RYR1: variants seen among roughly 807,000 people sequenced by gnomAD.
RYR1 encodes the protein central core disease of muscle.
Under a neutral mutation model 583.5 loss-of-function variants are expected in RYR1, and 342 were observed. That is an observed-to-expected ratio of 0.59 (90% CI 0.54 to 0.64). The LOEUF is 0.64. Among genes scored for constraint, RYR1 ranks in the 30% least tolerant of loss-of-function variants. The probability of loss-of-function intolerance (pLI) is 0.00; values close to 1 mark genes in which losing one functional copy is unlikely to be tolerated. For missense variants in RYR1, 6,032 were observed against 6,917.2 expected, an observed-to-expected ratio of 0.87 and a Z score of 4.54; for synonymous variants, 2,791 against 2,822.5, an observed-to-expected ratio of 0.99 and a Z score of 0.35.
At position 38,448,489 on chromosome 19, in the gene RYR1, CCTT is replaced by C. The variant is rs2145360371; in HGVS notation, c.938_940del (p.Phe313del). ...AGCAAGGCTCACACCAAGGCTACCT[CCTT>C]CTGCTTCCGCATCTCCAAGGTCAGT... On this transcript the variant is annotated inframe_deletion, in exon 10 of 106. Coordinates refer to ENST00000359596, the MANE Select transcript of RYR1 (RefSeq NM_000540.3). The C allele has an allele frequency of 1.2e-6, 2 of 1,614,092 alleles. No homozygotes were observed. Among genetic ancestry groups the C allele is most frequent in the Non-Finnish European group, 1.7e-6 (2 of 1,180,018 alleles).
At position 38,492,619 on chromosome 19, in the gene RYR1, C is replaced by T; in HGVS notation, c.6257C>T (p.Ala2086Val). The change falls in exon 38 of 106, where the codon GCA becomes GTA. Residue 2086 changes from alanine to valine, a missense_variant. This residue lies in a region of RYR1 where 2,627 missense variants were observed against 2,961.3 expected (regional missense o/e 0.89). Coordinates refer to ENST00000359596, the MANE Select transcript of RYR1 (RefSeq NM_000540.3). ...KEEKPEEERS[A>V]EESKPRSLQE... ...GAGAAACCTGAGGAGGAGCGGTCAG[C>T]AGAGGAGAGCAAACCCCGTGAGGAC... 1 of 1,605,266 alleles carries T rather than the reference C, an allele frequency of 6.2e-7. No homozygotes were observed. The highest frequency in any genetic ancestry group is 8.5e-7 in the Non-Finnish European group (1 of 1,175,250).
intron 16 of RYR1, among the ~76,000 whole-genome samples, chr19:38,456,417 G>C (rs895468846): frequency 2.7e-5 from 4 of 150,082 alleles, no homozygotes; most frequent in Admixed American, 6.7e-5. Flanking sequence ...GAGTAGCTGG[G>C]ATTACAGGTG....
intron 50 of RYR1, 145 bp downstream of exon 50, chr19:38,504,505 A>T: frequency 8.3e-7 from 1 of 1,198,680 alleles, no homozygotes. Flanking sequence ...CTATGGGTTG[A>T]GGCTTCGATT....
rs376389988 is a variant in RYR1 at position 38,525,407 on chromosome 19, G to T, written c.10531G>T (p.Val3511Leu). The change falls in exon 71 of 106, where the codon GTG becomes TTG. Residue 3511 changes from valine to leucine, a missense_variant. Coordinates refer to ENST00000359596, the MANE Select transcript of RYR1 (RefSeq NM_000540.3). ...GTACTCTGTGCAGACGTCACTGATC[G>T]TGGCCACACTGAAGAAGATGCTGCC... ...DRYSVQTSLI[V>L]ATLKKMLPIG... 58 of 1,613,864 alleles carry T rather than the reference G, an allele frequency of 3.6e-5. No homozygotes were observed. Among genetic ancestry groups the T allele is most frequent in the Non-Finnish European group, 4.2e-5 (49 of 1,179,972 alleles).
Position 38,452,988 on chromosome 19 carries a change from A to C in RYR1, c.1414A>C (p.Asn472His). Residue 472 changes from asparagine (N) to histidine (H), a missense_variant, in exon 13 of 106, where the codon AAC becomes CAC. By Grantham distance (68) the Asn-to-His change is moderately conservative (BLOSUM62 1). This residue lies in a region of RYR1 where 2,627 missense variants were observed against 2,961.3 expected (regional missense o/e 0.89). Transcript: ENST00000359596. The part of the protein sequence containing the change: ...EKQSKLRSLR[N>H]RQSLFQEEGM... ...GCAGAGCAAGCTGCGAAGCCTGCGCAACCGCCAGAGCCTCTTCCAGGAGGA... is the reference window on the plus strand; with the variant it reads ...GCAGAGCAAGCTGCGAAGCCTGCGCCACCGCCAGAGCCTCTTCCAGGAGGA... 1 of 1,613,864 alleles carries C rather than the reference A, an allele frequency of 6.2e-7. No homozygotes were observed. Among genetic ancestry groups the C allele is most frequent in the Non-Finnish European group, 8.5e-7 (1 of 1,179,814 alleles).
chr19:38,545,201 A>T (rs1327798647), intron 87 of RYR1, among the ~76,000 whole-genome samples: 1 of 152,122 alleles, frequency 6.6e-6, no homozygotes, highest in Non-Finnish European at 1.5e-5. Flanking sequence ...CCACCTATAG[A>T]ACCAGGAGGT....
chr19:38,567,281 G>A (rs937721232), intron 92 of RYR1, among the ~76,000 whole-genome samples: 2 of 152,072 alleles, frequency 1.3e-5, no homozygotes, highest in African/African-American at 2.4e-5. Flanking sequence ...AGCCCTGATC[G>A]CAGCATTGCC....
chr19:38,478,186 C>T (rs533278057), intron 30 of RYR1, among the ~76,000 whole-genome samples: 1 of 152,188 alleles, frequency 6.6e-6, no homozygotes, highest in South Asian at 2.1e-4. Context: ...TCTCCTCCTG[C>T]TTCCCTTGCT....
intron 48 of RYR1, 76 bp from the exon 49 acceptor site, chr19:38,502,804 C>T (rs538324638): frequency 1.7e-5 from 15 of 862,022 alleles, no homozygotes; most frequent in African/African-American, 1.2e-4. Context: ...GGGGCAGGGG[C>T]AGGGGGAGGA....
chr19:38,538,094 T>A, intron 84 of RYR1, 134 bp downstream of exon 84: 1 of 833,362 alleles, frequency 1.2e-6, no homozygotes, highest in Non-Finnish European at 2.0e-6. Flanking sequence ...TCAATCCACC[T>A]AGCTTTCAAA....
intron 1 of RYR1, among the ~76,000 whole-genome samples, chr19:38,440,361 A>G (rs948623339): frequency 3.9e-5 from 6 of 152,192 alleles, no homozygotes; most frequent in African/African-American, 1.4e-4. Flanking sequence ...CAACATGGCG[A>G]AACCTTGTCT....
intron 63 of RYR1, among the ~76,000 whole-genome samples, chr19:38,514,334 G>A (rs1970860405): frequency 6.7e-6 from 1 of 148,506 alleles, no homozygotes; most frequent in African/African-American, 2.5e-5. Context: ...AGGCTGGAGT[G>A]CAGTGGCGCA....
chr19:38,577,818 TCTCA>T (rs1974024398), intron 97 of RYR1, 96 bp from the exon 98 acceptor site: 2 of 1,515,754 alleles, frequency 1.3e-6, no homozygotes, highest in Non-Finnish European at 1.8e-6. Flanking sequence ...ACCTCCCATT[TCTCA>T]CTCAGAGTTT....
intron 13 of RYR1, among the ~76,000 whole-genome samples, chr19:38,454,938 G>A (rs903966140): frequency 3.9e-5 from 6 of 152,024 alleles, no homozygotes; most frequent in Admixed American, 3.9e-4. Flanking sequence ...AGGATGGAGA[G>A]AAAAGTGCAG....
chr19:38,496,568 TC>T lies in RYR1; in HGVS notation c.6796+32del, dbSNP rs1568496756. 2 of 1,612,598 alleles carry T rather than the reference TC, an allele frequency of 1.2e-6. No homozygotes were observed. Among genetic ancestry groups the T allele is most frequent in the East Asian group, 2.2e-5 (1 of 44,874 alleles). On this transcript the variant is annotated intron_variant, in intron 41 of 105. Coordinates refer to ENST00000359596, the MANE Select transcript of RYR1 (RefSeq NM_000540.3). This position sits in a 1 kb window ranked among gnomAD's most constrained non-coding sequence, Gnocchi z 4.8. The stretch of plus-strand genomic sequence containing the variant: ...TGAGAACCCCCGAGCCCAGGGGCTG[TC>T]CCCCAGAACCCACTCCTGGCACCCC...
chr19:38,548,167 A>G, intron 88 of RYR1, 66 bp from the exon 89 acceptor site: 2 of 1,578,858 alleles, frequency 1.3e-6, no homozygotes. Context: ...CTGGAAAGAG[A>G]GGCAAGCCTG....
At position 38,516,167 on chromosome 19, in the gene RYR1, A is replaced by G. The variant is rs199738299; in HGVS notation, c.9635A>G (p.Glu3212Gly). 3.5e-4 allele frequency: 542 copies of G among 1,563,140 alleles called. 2 individuals are homozygous for G. Among genetic ancestry groups the G allele is most frequent in the Non-Finnish European group, 4.4e-4 (509 of 1,153,694 alleles). The change falls in exon 65 of 106, where the codon GAG (glutamate) becomes GGG (glycine). Residue 3212 changes from glutamate (E) to glycine (G), a missense_variant. Glu to Gly is a moderately conservative substitution (Grantham distance 98). Coordinates refer to ENST00000359596, the MANE Select transcript of RYR1 (RefSeq NM_000540.3). ...GCGTTCCTGGAGCCGCAGCTGAACG[A>G]GTACAACGCCTGCTCCGTGTACACC... ...PVAFLEPQLN[E>G]YNACSVYTTK...
chr19:38,534,838 C>A lies in RYR1; in HGVS notation c.11359+19C>A, dbSNP rs1273283518. On this transcript the variant is annotated intron_variant, in intron 79 of 105. Transcript: ENST00000359596. ...TGCAAAGGTGCCCCTCACATGTGCACTGGACTCTTCCGAGTGCACTCATCC... is the reference window on the plus strand; with the variant it reads ...TGCAAAGGTGCCCCTCACATGTGCAATGGACTCTTCCGAGTGCACTCATCC... The A allele has an allele frequency of 6.2e-7, 1 of 1,602,568 alleles. No homozygotes were observed. Among genetic ancestry groups the A allele is most frequent in the African/African-American group, 1.3e-5 (1 of 74,900 alleles).
At chr19:38,457,690 G>C (rs1967492082) in intron 17 of RYR1, 60 bp downstream of exon 17, 1 of 1,545,026 alleles carries the variant, frequency 6.5e-7, no homozygotes, top group African/African-American at 1.4e-5. Context: ...CCCTGACTTA[G>C]AGACTCCACA....
Sources: gnomAD v4.1 joint callset for allele counts (sites outside exome capture counted in the v4.1 genomes callset) on GRCh38, gnomAD v4.1.1 for gene constraint, gnomAD v4.1.1 regional missense constraint, Gnocchi (gnomAD v3.1) non-coding constraint, MANE v1.5 for transcripts, NCBI Gene and HGNC (gene_info 2026-07-23, HGNC 2026-07-21) for gene names.